Variants in NFX1 observed in about 807,000 individuals in gnomAD.
NFX1 encodes nuclear transcription factor, X-box binding 1.
Under a neutral mutation model 137.2 loss-of-function variants are expected in NFX1, and 69 were observed. The ratio of observed to expected loss-of-function variants is 0.50; its 90% CI spans 0.41 to 0.61. The LOEUF is 0.61. Ranked by LOEUF, NFX1 falls within the 20% of genes least tolerant of loss-of-function variation. The pLI is 0.00. For missense variants in NFX1, 1,167 were observed against 1,391.0 expected (o/e 0.84, Z 2.56); for synonymous variants, 495 against 474.1 (o/e 1.04, Z -0.57).
At chr9:33,309,539 T>C (rs571437420) in intron 5 of NFX1, among the ~76,000 whole-genome samples, 1 of 152,214 alleles carries the variant, frequency 6.6e-6, no homozygotes, top group African/African-American at 2.4e-5. Context: ...TTGGGAACTT[T>C]CTTTTACTTT....
chr9:33,349,751 G>A (rs562636346), intron 15 of NFX1, among the ~76,000 whole-genome samples: 1 of 152,220 alleles, frequency 6.6e-6, no homozygotes, highest in Admixed American at 6.5e-5. Context: ...GTGAAGCTGT[G>A]GAGACCATGA....
At chr9:33,318,631 G>A in intron 7 of NFX1, 100 bp from the exon 8 acceptor site, 2 of 1,109,306 alleles carry the variant, frequency 1.8e-6, no homozygotes, top group Non-Finnish European at 2.7e-6. Flanking sequence ...ATGAGCGACT[G>A]TGCCAGGCCC....
At chr9:33,303,362 C>T in intron 4 of NFX1, 94 bp downstream of exon 4, 1 of 1,009,796 alleles carries the variant, frequency 9.9e-7, no homozygotes, top group Non-Finnish European at 1.6e-6. Flanking sequence ...TTAGAAGTTA[C>T]TAATGAGACT....
chr9:33,355,371 A>T (rs1193313590), intron 19 of NFX1, among the ~76,000 whole-genome samples: 1 of 152,214 alleles, frequency 6.6e-6, no homozygotes, highest in Non-Finnish European at 1.5e-5. Context: ...CTTGTACTCT[A>T]CATAAAGGTG....
chr9:33,367,444 G>GT, intron 22 of NFX1, 71 bp from the exon 23 acceptor site: 1 of 1,519,736 alleles, frequency 6.6e-7, no homozygotes, highest in Non-Finnish European at 9.1e-7. Context: ...CAAGGGCTGA[G>GT]TTTCTAGCTT....
At chr9:33,340,705 C>T (rs1304902954) in intron 12 of NFX1, among the ~76,000 whole-genome samples, 1 of 152,288 alleles carries the variant, frequency 6.6e-6, no homozygotes, top group African/African-American at 2.4e-5. Flanking sequence ...GCACCCAAGT[C>T]ACCTCTTGAA....
intron 21 of NFX1, chr9:33,365,068 G>A (rs1824130307): frequency 1.1e-6 from 1 of 930,784 alleles, no homozygotes; most frequent in Admixed American, 4.4e-5. Flanking sequence ...GAGGTCAGGA[G>A]TTCTAGATCA....
Position 33,294,631 on chromosome 9 carries a change from A to T in NFX1, c.237A>T (p.Lys79Asn). Reference protein sequence around the residue: ...HQHSYHPSGSKPKSQQTSFQS... With the variant: ...HQHSYHPSGSNPKSQQTSFQS... Reference sequence around the variant, plus strand: ...ATAGTTATCATCCGTCAGGAAGCAAACCTAAGAGTCAGCAGACGTCTTTCC... The same window carrying T: ...ATAGTTATCATCCGTCAGGAAGCAATCCTAAGAGTCAGCAGACGTCTTTCC... Residue 79 changes from lysine to asparagine, a missense_variant, in exon 2 of 24, where the codon AAA becomes AAT. Coordinates refer to ENST00000379540, the MANE Select transcript of NFX1 (RefSeq NM_002504.6). 2 of 1,614,168 alleles carry T rather than the reference A, an allele frequency of 1.2e-6. No homozygotes were observed. Among genetic ancestry groups the T allele is most frequent in the Non-Finnish European group, 1.7e-6 (2 of 1,180,038 alleles).
rs923157137 is a variant in NFX1 at position 33,318,539 on chromosome 9, G to A, written c.1589-192G>A. ...TCTTCCTATGGTAAAGCTCTTAGGC[G>A]GGTCTTAGAGCTGCTGTATGAACTA... is the stretch of plus-strand genomic sequence containing the variant. On this transcript the variant is annotated intron_variant, in intron 7 of 23. Transcript: ENST00000379540. 4.6e-5 allele frequency among the ~76,000 whole-genome samples: 7 copies of A among 152,090 alleles called. No individual in the cohort carries two copies. In the South Asian group the frequency reaches 6.2e-4, roughly 14 times the overall value.
chr9:33,311,744 G>T (rs1405395657), intron 6 of NFX1, among the ~76,000 whole-genome samples: 1 of 152,122 alleles, frequency 6.6e-6, no homozygotes, highest in African/African-American at 2.4e-5. Context: ...GTAGAGATGG[G>T]ATTTCACCAT....
chr9:33,297,886 G>A (rs1821415278), intron 2 of NFX1, among the ~76,000 whole-genome samples: 1 of 152,178 alleles, frequency 6.6e-6, no homozygotes, highest in South Asian at 2.1e-4. Context: ...TACTCAAGGG[G>A]AGGAGATTAT....
rs112660568 is a variant in NFX1 at position 33,319,344 on chromosome 9, T to C, written c.1906+217T>C. Among the ~76,000 whole-genome samples, 1,216 of 152,328 alleles carry C rather than the reference T, an allele frequency of 8.0e-3. 10 individuals carry two copies. The highest frequency in any genetic ancestry group is 0.014 in the Non-Finnish European group (944 of 68,028). On this transcript the variant is annotated intron_variant, in intron 9 of 23. Transcript: ENST00000379540. ...TGATCTCTCTGATTCAGGTATTTTA[T>C]TGTTAACTCTGGACAACTGTGGTGA...
intron 5 of NFX1, 51 bp from the exon 6 acceptor site, chr9:33,311,055 C>A: frequency 6.4e-7 from 1 of 1,563,946 alleles, no homozygotes; most frequent in East Asian, 2.2e-5. Flanking sequence ...CAGCTTTGTT[C>A]GGGTTTGGAT....
chr9:33,294,316 T>C, intron 1 of NFX1, 104 bp from the exon 2 acceptor site: 6 of 1,087,102 alleles, frequency 5.5e-6, no homozygotes, highest in East Asian at 2.4e-5. Flanking sequence ...GCATGTTTTA[T>C]ACAAAGTTCT....
At chr9:33,317,161 G>A (rs1159393861) in intron 7 of NFX1, among the ~76,000 whole-genome samples, 2 of 152,036 alleles carry the variant, frequency 1.3e-5, no homozygotes, top group Non-Finnish European at 2.9e-5. Flanking sequence ...GCTCACACCT[G>A]TAATCCCAGC....
At chr9:33,321,998 C>G (rs1209529954) in intron 9 of NFX1, among the ~76,000 whole-genome samples, 1 of 151,730 alleles carries the variant, frequency 6.6e-6, no homozygotes, top group Non-Finnish European at 1.5e-5. Context: ...GTCAGGAGTT[C>G]AGGACTAGCC....
intron 19 of NFX1, among the ~76,000 whole-genome samples, chr9:33,360,358 A>G (rs1823949351): frequency 6.6e-6 from 1 of 152,226 alleles, no homozygotes; most frequent in African/African-American, 2.4e-5. Context: ...AACAGTATTT[A>G]CCTTCCAGAG....
In NFX1 at chr9:33,295,318, G is replaced by C. The variant is rs139634183; in HGVS notation, c.924G>C (p.Arg308Ser). 18 of 1,614,058 alleles carry C rather than the reference G, an allele frequency of 1.1e-5. No individual in the cohort carries two copies. The highest frequency in any genetic ancestry group is 2.7e-5 in the African/African-American group (2 of 74,924). Residue 308 changes from arginine (R) to serine (S), a missense_variant, in exon 2 of 24, where the codon AGG (arginine) becomes AGC (serine). Transcript: ENST00000379540. Reference protein sequence around the residue: ...ENLAVINKSSRRVDQEKCTVR... With the variant: ...ENLAVINKSSSRVDQEKCTVR... ...TGGCAGTCATCAACAAGTCTTCCAG[G>C]AGGGTTGACCAAGAGAAATGCACTG...
intron 12 of NFX1, among the ~76,000 whole-genome samples, chr9:33,338,853 A>G (rs1044980246): frequency 3.3e-5 from 5 of 152,092 alleles, no homozygotes; most frequent in African/African-American, 4.8e-5. Context: ...AAGGTCTCAC[A>G]CCCCAGAGCC....
Sources: allele counts gnomAD v4.1 joint callset (sites outside exome capture counted in the v4.1 genomes callset), GRCh38; gene constraint gnomAD v4.1.1; transcripts MANE v1.5; gene names NCBI Gene and HGNC (gene_info 2026-07-23, HGNC 2026-07-21).